Variants in NRXN3 observed in about 807,000 individuals in gnomAD.
The protein encoded by NRXN3 is neurexin III.
In NRXN3, 32 loss-of-function variants were observed where a neutral mutation model predicts 137.6. The ratio of observed to expected loss-of-function variants is 0.23; its 90% CI spans 0.18 to 0.31. The LOEUF is 0.31. NRXN3 is among the 10% of genes least tolerant of loss of function. The pLI, the probability that NRXN3 is intolerant of heterozygous loss-of-function variation, is 1.00. For missense variants in NRXN3, 1,574 were observed against 2,062.5 expected (o/e 0.76, Z 4.59); for synonymous variants, 798 against 784.5 (o/e 1.02, Z -0.29).
At chr14:79,847,163 A>G (rs577417650) in intron 20 of NRXN3, among the ~76,000 whole-genome samples, 1 of 152,336 alleles carries the variant, frequency 6.6e-6, no homozygotes, top group Admixed American at 6.5e-5. Flanking sequence ...TCTTTGGAGT[A>G]TCTGACTCAG....
Position 78,242,908 on chromosome 14 carries a change from A to T in NRXN3, c.-186A>T. On this transcript the variant is annotated 5_prime_UTR_variant, in exon 2 of 21. Transcript: ENST00000335750. Reference sequence around the variant, plus strand: ...TTTCTTGCTTGTGTGCCCCTCTGGGACTCTCTTGTACACTTTCCTCCATCT... The same window carrying T: ...TTTCTTGCTTGTGTGCCCCTCTGGGTCTCTCTTGTACACTTTCCTCCATCT... 1 of 504,500 alleles carries T rather than the reference A, an allele frequency of 2.0e-6. No individual in the cohort carries two copies. The allele number at this position is 504,500 out of a possible 1,614,324, so 31.3% of individuals were successfully genotyped here.
intron 14 of NRXN3, among the ~76,000 whole-genome samples, chr14:78,973,645 G>T (rs2099452517): frequency 6.6e-6 from 1 of 152,080 alleles, no homozygotes; most frequent in Non-Finnish European, 1.5e-5. Flanking sequence ...AATATCTATT[G>T]CAGAAACTAC....
rs533603198 is a variant in NRXN3 at position 78,858,644 on chromosome 14, C to T, written c.2275+48300C>T. The stretch of plus-strand genomic sequence containing the variant: ...CTTAGAAATGCTACTCTGTCTCACC[C>T]TGACATTTGATCTTTGTACTTCAGA... On this transcript the variant is annotated intron_variant, in intron 10 of 20. Coordinates refer to ENST00000335750, the MANE Select transcript of NRXN3 (RefSeq NM_001330195.2). Among the ~76,000 whole-genome samples, 3 of 152,264 alleles carry T rather than the reference C, an allele frequency of 2.0e-5. No individual in the cohort carries two copies. In the East Asian group the frequency reaches 5.8e-4, roughly 29 times the overall value.
chr14:78,363,240 C>T (rs1427076060), intron 4 of NRXN3, among the ~76,000 whole-genome samples: 1 of 152,134 alleles, frequency 6.6e-6, no homozygotes, highest in Non-Finnish European at 1.5e-5. Context: ...CTGCATGGCC[C>T]GTCATGAAGC....
At chr14:79,117,475 T>C (rs1359771762) in intron 15 of NRXN3, among the ~76,000 whole-genome samples, 1 of 152,242 alleles carries the variant, frequency 6.6e-6, no homozygotes. Context: ...GGATCCTAGA[T>C]ACTTAATAGA....
intron 4 of NRXN3, among the ~76,000 whole-genome samples, chr14:78,561,565 A>G (rs1437527381): frequency 6.6e-6 from 1 of 152,190 alleles, no homozygotes; most frequent in Non-Finnish European, 1.5e-5. Context: ...CAGAGGGGAA[A>G]ATGAGGAACT....
At chr14:79,651,014 T>A (rs2098473253) in intron 16 of NRXN3, among the ~76,000 whole-genome samples, 1 of 152,176 alleles carries the variant, frequency 6.6e-6, no homozygotes, top group African/African-American at 2.4e-5. Context: ...GCTTGGCATC[T>A]TGGATATTTC....
chr14:78,936,266 A>G (rs1479301487), intron 10 of NRXN3, among the ~76,000 whole-genome samples: 2 of 152,216 alleles, frequency 1.3e-5, no homozygotes, highest in Admixed American at 1.3e-4. Context: ...GGAATAGCAT[A>G]GAAGTTATGC....
chr14:79,714,746 G>A (rs2098817680), intron 19 of NRXN3, among the ~76,000 whole-genome samples: 1 of 152,246 alleles, frequency 6.6e-6, no homozygotes, highest in South Asian at 2.1e-4. Context: ...TTTTCAGTGA[G>A]CTACATCCTC....
intron 15 of NRXN3, among the ~76,000 whole-genome samples, chr14:79,402,449 C>T (rs2153494977): frequency 6.6e-6 from 1 of 152,254 alleles, no homozygotes; most frequent in Admixed American, 6.5e-5. Context: ...GGGACAAAAA[C>T]TTGCATGTAA....
At chr14:78,641,407 G>A (rs1279756224) in intron 4 of NRXN3, among the ~76,000 whole-genome samples, 2 of 152,154 alleles carry the variant, frequency 1.3e-5, no homozygotes, top group Non-Finnish European at 1.5e-5. Flanking sequence ...GGGAGGCAGA[G>A]CTTGCAGTGA....
At chr14:79,376,214 GTATATATATATATATA>G (rs1159913935) in intron 15 of NRXN3, among the ~76,000 whole-genome samples, 4,077 of 71,082 alleles carry the variant, frequency 0.057, 261 homozygotes, top group African/African-American at 0.11. Flanking sequence ...GTGTGTGTAT[GTATATATATATATATA>G]TATATATATA....
At chr14:79,386,042 A>G (rs1305032320) in intron 15 of NRXN3, among the ~76,000 whole-genome samples, 1 of 152,212 alleles carries the variant, frequency 6.6e-6, no homozygotes, top group African/African-American at 2.4e-5. Context: ...GAAAACTGGC[A>G]CAAGACAAGG....
intron 15 of NRXN3, among the ~76,000 whole-genome samples, chr14:79,162,108 GTT>G (rs3035610): frequency 0.53 from 77,611 of 147,504 alleles, 21,848 homozygotes; most frequent in East Asian, 0.85. Flanking sequence ...TTTTGTTTTT[GTT>G]TTTTTTTTTT....
chr14:79,738,063 G>A (rs1260741622), intron 19 of NRXN3, among the ~76,000 whole-genome samples: 1 of 152,056 alleles, frequency 6.6e-6, no homozygotes, highest in African/African-American at 2.4e-5. Context: ...ATCCCACCAG[G>A]GGGATCTAGC....
chr14:79,824,040 C>A, intron 20 of NRXN3: 1 of 365,426 alleles, frequency 2.7e-6, no homozygotes, highest in Non-Finnish European at 6.0e-6. Context: ...GTGGCTTTCA[C>A]CAGAGTCTTG....
chr14:78,534,984 A>G (rs778532949), intron 4 of NRXN3, among the ~76,000 whole-genome samples: 11 of 152,244 alleles, frequency 7.2e-5, no homozygotes, highest in Non-Finnish European at 1.2e-4. Context: ...AAGGAATACA[A>G]ACAAGGACAG....
At chr14:79,096,058 C>T (rs1425370047) in intron 15 of NRXN3, among the ~76,000 whole-genome samples, 4 of 151,496 alleles carry the variant, frequency 2.6e-5, no homozygotes, top group African/African-American at 9.7e-5. Flanking sequence ...TTCCTGAGGC[C>T]CCTCCTCCTT....
chr14:78,833,329 G>A (rs1457395259), intron 10 of NRXN3, among the ~76,000 whole-genome samples: 1 of 152,134 alleles, frequency 6.6e-6, no homozygotes, highest in African/African-American at 2.4e-5. Flanking sequence ...TAAATGCCAG[G>A]AAGCCTCCAA....
Sources: gnomAD v4.1 joint callset for allele counts (sites outside exome capture counted in the v4.1 genomes callset) on GRCh38, gnomAD v4.1.1 for gene constraint, MANE v1.5 for transcripts, NCBI Gene and HGNC (gene_info 2026-07-23, HGNC 2026-07-21) for gene names.